Variants in CNTNAP3B observed in about 807,000 individuals in gnomAD.
CNTNAP3B encodes the protein contactin associated protein family member 3B, also known as contactin-associated protein-like 3B.
CNTNAP3B carries 25 observed loss-of-function variants against 108.9 expected under a neutral mutation model. The ratio of observed to expected loss-of-function variants is 0.23; its 90% CI spans 0.17 to 0.32. The LOEUF (loss-of-function observed/expected upper bound fraction) is 0.32, where lower values mean the gene tolerates loss of function less well. CNTNAP3B is among the 10% of genes least tolerant of loss of function. The pLI, the probability that CNTNAP3B is intolerant of heterozygous loss-of-function variation, is 1.00. For missense variants in CNTNAP3B, 252 were observed against 1,210.4 expected (o/e 0.21, Z 11.75); for synonymous variants, 103 against 473.4 (o/e 0.22, Z 10.16).
intron 7 of CNTNAP3B, among the ~76,000 whole-genome samples, chr9:41,995,820 G>GGAAGGCCGAGGCAGGC (rs1825888238): frequency 2.9e-5 from 4 of 138,130 alleles, no homozygotes; most frequent in Non-Finnish European, 6.2e-5. Context: ...CAGATCACCT[G>GGAAGGCCGAGGCAGGC]AGGTCAGGAA....
chr9:42,088,906 G>A (rs1463772019), intron 2 of CNTNAP3B, among the ~76,000 whole-genome samples: 1 of 139,842 alleles, frequency 7.2e-6, no homozygotes, highest in Non-Finnish European at 1.5e-5. Context: ...AGGGGAATAT[G>A]CAAGAATTTT....
chr9:42,034,182 A>ATATCTATCTATCTATCTATC (rs1217089190), intron 3 of CNTNAP3B, among the ~76,000 whole-genome samples: 2 of 61,950 alleles, frequency 3.2e-5, no homozygotes, highest in African/African-American at 5.4e-5. Context: ...ATGTATGTAT[A>ATATCTATCTATCTATCTATC]TATGTATCTA....
In CNTNAP3B at chr9:42,117,028, G is replaced by T. The variant is rs1828334064; in HGVS notation, c.85+11982C>A. ...AGGAGCACCCAGACTCATAAAGCAA[G>T]TCCTTAGAGGTGTACAAACAGACTT... On this transcript the variant is annotated intron_variant, in intron 1 of 23. Transcript: ENST00000377561. Among the ~76,000 whole-genome samples, 5 of 139,078 alleles carry T rather than the reference G, an allele frequency of 3.6e-5. 1 individual carries two copies. The South Asian group carries it at 7.0e-4, about 19-fold the overall frequency. 91.2% of individuals were successfully genotyped at this position (139,078 alleles called of 152,430 possible).
At chr9:42,086,301 T>C (rs11789595) in intron 2 of CNTNAP3B, among the ~76,000 whole-genome samples, 11,176 of 137,556 alleles carry the variant, frequency 0.081, 164 homozygotes, top group Admixed American at 0.12. Context: ...CTAGGAATTA[T>C]GAGAGCTACA....
intron 14 of CNTNAP3B, among the ~76,000 whole-genome samples, chr9:41,934,719 A>T (rs1824101837): frequency 6.6e-6 from 1 of 152,290 alleles, no homozygotes; most frequent in African/African-American, 2.4e-5. Context: ...TTTAGTTTCA[A>T]CTTCACCGAG....
At chr9:42,085,841 AC>A (rs1231051667) in intron 2 of CNTNAP3B, among the ~76,000 whole-genome samples, 3 of 143,324 alleles carry the variant, frequency 2.1e-5, no homozygotes, top group Non-Finnish European at 4.5e-5. Flanking sequence ...GTAATTGGTA[AC>A]ATTAAGCAAC....
chr9:41,977,418 C>G (rs1486193699), intron 9 of CNTNAP3B, among the ~76,000 whole-genome samples: 2 of 139,370 alleles, frequency 1.4e-5, no homozygotes, highest in African/African-American at 2.8e-5. Context: ...AATGTGTCAT[C>G]TATAGCAAAT....
chr9:41,969,418 G>A (rs1406235756), intron 10 of CNTNAP3B, among the ~76,000 whole-genome samples: 1 of 147,426 alleles, frequency 6.8e-6, no homozygotes, highest in Non-Finnish European at 1.5e-5. Context: ...ATGTGGGGTT[G>A]GGTGGCTGAT....
intron 13 of CNTNAP3B, among the ~76,000 whole-genome samples, chr9:41,944,935 C>T (rs1398995467): frequency 6.6e-6 from 1 of 152,018 alleles, no homozygotes; most frequent in Non-Finnish European, 1.5e-5. Flanking sequence ...AAAAATCAAC[C>T]TCATCAAAAA....
rs1468701807 is a variant in CNTNAP3B at position 42,042,416 on chromosome 9, T to C, written c.391-28891A>G. 6.4e-5 allele frequency among the ~76,000 whole-genome samples: 9 copies of C among 140,550 alleles called. No homozygotes were observed. The East Asian group carries it at 1.5e-3, about 23-fold the overall frequency. The allele number at this position is 140,550 out of a possible 152,430, so 92.2% of individuals were successfully genotyped here. A position where few individuals can be genotyped will look rare whatever the true frequency, so the allele number is the denominator to read the frequency against. Reference sequence around the variant, plus strand: ...CTATTTCAGAATAACTTTCTAGGGATATAGTACACTCAGCAGCCCTCCATA... The same window carrying C: ...CTATTTCAGAATAACTTTCTAGGGACATAGTACACTCAGCAGCCCTCCATA... On this transcript the variant is annotated intron_variant, in intron 3 of 23. Coordinates refer to ENST00000377561, the MANE Select transcript of CNTNAP3B (RefSeq NM_001201380.3).
chr9:41,944,841 A>C (rs1301769627), intron 13 of CNTNAP3B, among the ~76,000 whole-genome samples: 6 of 152,290 alleles, frequency 3.9e-5, no homozygotes, highest in South Asian at 2.1e-4. Context: ...CAACCTATAG[A>C]ATGGGAGAAA....
In CNTNAP3B at chr9:42,113,741, G is replaced by T. The variant is rs544062950; in HGVS notation, c.86-9002C>A. ...CACCTAGTATTTGATAACACAAGAG[G>T]TGACTATAGTCAATAATTACTTAAT... On this transcript the variant is annotated intron_variant, in intron 1 of 23. Transcript: ENST00000377561. 2.2e-5 allele frequency among the ~76,000 whole-genome samples: 3 copies of T among 139,254 alleles called. 1 individual carries two copies. The highest frequency in any genetic ancestry group is 4.6e-5 in the Non-Finnish European group (3 of 64,940). The allele number at this position is 139,254 out of a possible 152,430, so 91.4% of individuals were successfully genotyped here.
At chr9:41,940,058 G>A (rs1209176646) in intron 13 of CNTNAP3B, among the ~76,000 whole-genome samples, 1 of 152,290 alleles carries the variant, frequency 6.6e-6, no homozygotes, top group African/African-American at 2.4e-5. Context: ...CCCACCAATA[G>A]GCTTTATCTA....
At chr9:42,024,669 CA>C (rs1216353981) in intron 3 of CNTNAP3B, among the ~76,000 whole-genome samples, 7,365 of 83,156 alleles carry the variant, frequency 0.089, 78 homozygotes, top group East Asian at 0.14. Flanking sequence ...CCAGGGTTCA[CA>C]AAAAAAAAAA....
At chr9:41,966,403 A>T (rs1239115867) in intron 10 of CNTNAP3B, among the ~76,000 whole-genome samples, 2 of 152,298 alleles carry the variant, frequency 1.3e-5, no homozygotes, top group African/African-American at 4.8e-5. Flanking sequence ...TAAACACAAC[A>T]TCAATTGTGA....
At chr9:42,024,871 G>C (rs1191844986) in intron 3 of CNTNAP3B, among the ~76,000 whole-genome samples, 120 of 144,100 alleles carry the variant, frequency 8.3e-4, no homozygotes, top group African/African-American at 3.0e-3. Flanking sequence ...TTCAGACTCA[G>C]GTTGAATCCT....
Position 42,093,441 on chromosome 9 carries a change from T to A in CNTNAP3B, c.196+11188A>T, listed in dbSNP as rs1307831846. On this transcript the variant is annotated intron_variant, in intron 2 of 23. Coordinates refer to ENST00000377561, the MANE Select transcript of CNTNAP3B (RefSeq NM_001201380.3). The stretch of plus-strand genomic sequence containing the variant: ...TAGATTTTAGCTACTTTGGATCAGA[T>A]CATATACTAATTTTTTAATTATGGT... Among the ~76,000 whole-genome samples, 3 of 94,016 alleles carry A rather than the reference T, an allele frequency of 3.2e-5. 1 individual carries two copies. The highest frequency in any genetic ancestry group is 7.9e-5 in the African/African-American group (2 of 25,368). 61.7% of individuals were successfully genotyped at this position (94,016 alleles called of 152,430 possible). A position where few individuals can be genotyped will look rare whatever the true frequency, so the allele number is the denominator to read the frequency against.
chr9:41,952,944 G>A (rs1303010588), intron 13 of CNTNAP3B, among the ~76,000 whole-genome samples: 1 of 152,124 alleles, frequency 6.6e-6, no homozygotes, highest in Non-Finnish European at 1.5e-5. Context: ...CCTTGATTAA[G>A]AAAGGACAAG....
chr9:41,986,350 A>T (rs1825702451), intron 8 of CNTNAP3B, 39 bp from the exon 9 acceptor site: 1 of 1,089,296 alleles, frequency 9.2e-7, no homozygotes, highest in South Asian at 1.5e-5. Flanking sequence ...ACTCTAAATT[A>T]TGAGCTCTGT....
Sources: allele counts gnomAD v4.1 joint callset (sites outside exome capture counted in the v4.1 genomes callset), GRCh38; gene constraint gnomAD v4.1.1; transcripts MANE v1.5; gene names NCBI Gene and HGNC (gene_info 2026-07-23, HGNC 2026-07-21).